The following GRXCR1 variants were observed in gnomAD, a reference collection of about 807,000 sequenced individuals.
GRXCR1 encodes glutaredoxin and cysteine rich domain containing 1, also known as glutaredoxin domain-containing cysteine-rich protein 1.
A neutral mutation model predicts 27.3 loss-of-function variants in GRXCR1; 27 were observed. The observed-to-expected ratio is 0.99, with a 90% CI of 0.73 to 1.37. GRXCR1 has a LOEUF of 1.37. GRXCR1 is among the 40% of genes most tolerant of loss of function. The pLI is 0.00. For synonymous variants in GRXCR1, 122 were observed against 131.1 expected, an observed-to-expected ratio of 0.93 and a Z score of 0.47; for missense variants, 379 against 354.4, an observed-to-expected ratio of 1.07 and a Z score of -0.56.
At chr4:42,980,047 C>CT (rs1452179321) in intron 2 of GRXCR1, among the ~76,000 whole-genome samples, 1 of 150,822 alleles carries the variant, frequency 6.6e-6, no homozygotes, top group African/African-American at 2.4e-5. Flanking sequence ...TAGTCCTCTT[C>CT]TTTTTTTCCT....
chr4:42,927,832 G>A (rs1747208843), intron 1 of GRXCR1, among the ~76,000 whole-genome samples: 1 of 151,986 alleles, frequency 6.6e-6, no homozygotes, highest in African/African-American at 2.4e-5. Context: ...TTTAGGTTGA[G>A]TTCCCTAGAC....
At chr4:43,028,413 G>A (rs776199183) in intron 3 of GRXCR1, among the ~76,000 whole-genome samples, 90 of 152,226 alleles carry the variant, frequency 5.9e-4, no homozygotes, top group Middle Eastern at 6.8e-3. Flanking sequence ...TACTTTACTA[G>A]GAACTCAGAT....
intron 2 of GRXCR1, among the ~76,000 whole-genome samples, chr4:42,978,259 T>C (rs66922865): frequency 0.35 from 53,701 of 151,932 alleles, 9,676 homozygotes; most frequent in African/African-American, 0.4. Context: ...CTAGCTTTCT[T>C]CTTTTTGCTC....
rs1406977224 is a variant in GRXCR1 at position 42,976,394 on chromosome 4, T to G, written c.627+13260T>G. 2.0e-5 allele frequency among the ~76,000 whole-genome samples: 3 copies of G among 152,212 alleles called. No individual in the cohort carries two copies. In the East Asian group the frequency reaches 5.8e-4, roughly 29 times the overall value. ...CAGAGTTTAAAGAAATCTTTAAAGA[T>G]TTTTCTGTATGTTTTATATCTTTAA... On this transcript the variant is annotated intron_variant, in intron 2 of 3. Transcript: ENST00000399770.
intron 1 of GRXCR1, among the ~76,000 whole-genome samples, chr4:42,932,118 G>A (rs2109757031): frequency 6.6e-6 from 1 of 152,078 alleles, no homozygotes; most frequent in East Asian, 2.0e-4. Flanking sequence ...AATTCAAGAT[G>A]AGATTTGGGT....
At chr4:42,937,221 C>G (rs1053059124) in intron 1 of GRXCR1, among the ~76,000 whole-genome samples, 3 of 151,770 alleles carry the variant, frequency 2.0e-5, no homozygotes, top group Non-Finnish European at 4.4e-5. Flanking sequence ...ATTGTTCCAG[C>G]TTTGGTCATT....
intron 1 of GRXCR1, among the ~76,000 whole-genome samples, chr4:42,905,353 A>G (rs751998324): frequency 2.0e-5 from 3 of 152,140 alleles, no homozygotes; most frequent in Non-Finnish European, 4.4e-5. Context: ...GACAGAATCA[A>G]TCTCTTCTTT....
At chr4:42,946,942 C>T (rs115543288) in intron 1 of GRXCR1, among the ~76,000 whole-genome samples, 18 of 152,160 alleles carry the variant, frequency 1.2e-4, no homozygotes, top group Admixed American at 2.0e-4. Context: ...CGTAATGGTG[C>T]GGAGTTAGTG....
intron 1 of GRXCR1, among the ~76,000 whole-genome samples, chr4:42,919,174 T>C (rs966222966): frequency 6.6e-6 from 1 of 152,144 alleles, no homozygotes; most frequent in Non-Finnish European, 1.5e-5. Flanking sequence ...ACGGGGCCTA[T>C]AGTTCTTCAG....
intron 2 of GRXCR1, among the ~76,000 whole-genome samples, chr4:43,019,099 A>C (rs569336226): frequency 6.6e-6 from 1 of 152,296 alleles, no homozygotes; most frequent in African/African-American, 2.4e-5. Flanking sequence ...TGTTTAACCT[A>C]TTTTAGAAAC....
In GRXCR1 at chr4:43,001,143, T is replaced by C. The variant is rs139732514; in HGVS notation, c.628-19211T>C. Among the ~76,000 whole-genome samples the C allele has an allele frequency of 2.4e-3, 368 of 151,828 alleles. 2 individuals carry two copies. The highest frequency in any genetic ancestry group is 8.5e-3 in the African/African-American group (351 of 41,424). Reference sequence around the variant, plus strand: ...AGAGACAAGGTTTCACCATGTCAACTTCTATCTTTTAAAGACGATAGGATG... The same window carrying C: ...AGAGACAAGGTTTCACCATGTCAACCTCTATCTTTTAAAGACGATAGGATG... On this transcript the variant is annotated intron_variant, in intron 2 of 3. Transcript: ENST00000399770.
chr4:42,963,178 A>G (rs1748167580), intron 2 of GRXCR1, 44 bp downstream of exon 2: 1 of 1,601,448 alleles, frequency 6.2e-7, no homozygotes, highest in African/African-American at 1.3e-5. Context: ...GAACCCAACC[A>G]GGGCTGATAG....
Position 43,018,238 on chromosome 4 carries a change from C to T in GRXCR1, c.628-2116C>T, listed in dbSNP as rs952759149. On this transcript the variant is annotated intron_variant, in intron 2 of 3. Coordinates refer to ENST00000399770, the MANE Select transcript of GRXCR1 (RefSeq NM_001080476.3). The stretch of plus-strand genomic sequence containing the variant: ...AAAGGCCTGGTTCCAAGGGAAAGAC[C>T]TGAGGGCAGGGCAGGTAGGGTTGTG... 2.6e-5 allele frequency among the ~76,000 whole-genome samples: 4 copies of T among 152,214 alleles called. No individual in the cohort carries two copies. In the East Asian group the frequency reaches 7.8e-4, roughly 30 times the overall value.
At chr4:43,030,280 T>G in intron 3 of GRXCR1, 81 bp from the exon 4 acceptor site, 1 of 1,302,074 alleles carries the variant, frequency 7.7e-7, no homozygotes, top group Non-Finnish European at 1.1e-6. Flanking sequence ...CACTCACAGT[T>G]CAGAAAGACC....
Position 42,983,788 on chromosome 4 carries a change from C to T in GRXCR1, c.627+20654C>T, listed in dbSNP as rs532153055. ...TTTATTCTTTTTTCTTTTTTCTCCTCTAAGTGTATATTTTCAAGTAACCTG... is the reference window on the plus strand; with the variant it reads ...TTTATTCTTTTTTCTTTTTTCTCCTTTAAGTGTATATTTTCAAGTAACCTG... On this transcript the variant is annotated intron_variant, in intron 2 of 3. Transcript: ENST00000399770. Among the ~76,000 whole-genome samples the T allele has an allele frequency of 1.7e-4, 26 of 150,796 alleles. No individual in the cohort carries two copies. In the East Asian group the frequency reaches 3.5e-3, roughly 20 times the overall value.
chr4:43,003,089 C>T (rs1162141209), intron 2 of GRXCR1, among the ~76,000 whole-genome samples: 2 of 152,164 alleles, frequency 1.3e-5, no homozygotes, highest in East Asian at 1.9e-4. Context: ...CCTTTGCCTT[C>T]TGTCATGATT....
chr4:43,008,027 C>T (rs906765699), intron 2 of GRXCR1, among the ~76,000 whole-genome samples: 1 of 151,990 alleles, frequency 6.6e-6, no homozygotes, highest in Non-Finnish European at 1.5e-5. Context: ...ACATCTTTTT[C>T]CTAGTTTTTA....
intron 1 of GRXCR1, among the ~76,000 whole-genome samples, chr4:42,926,106 T>G (rs569590988): frequency 3.9e-5 from 6 of 152,064 alleles, no homozygotes; most frequent in South Asian, 4.1e-4. Context: ...AGCTGTCACA[T>G]TGCTGTTAGT....
chr4:42,965,699 T>A (rs1486247757), intron 2 of GRXCR1, among the ~76,000 whole-genome samples: 1 of 152,004 alleles, frequency 6.6e-6, no homozygotes, highest in African/African-American at 2.4e-5. Flanking sequence ...TTGTGAATCA[T>A]CTGCACAATA....
Sources: allele counts gnomAD v4.1 joint callset (sites outside exome capture counted in the v4.1 genomes callset), GRCh38; gene constraint gnomAD v4.1.1; transcripts MANE v1.5; gene names NCBI Gene and HGNC (gene_info 2026-07-23, HGNC 2026-07-21).